DTNB: variants seen among roughly 807,000 people sequenced by gnomAD.
The protein encoded by DTNB is dystrobrevin beta, also known as DTN-B.
In DTNB, 63 loss-of-function variants were observed where a neutral mutation model predicts 90.7. The observed-to-expected ratio is 0.69, with a 90% confidence interval of 0.57 to 0.86. The LOEUF is 0.86. Ranked by LOEUF, DTNB falls within the 40% of genes least tolerant of loss-of-function variation. DTNB has a pLI of 0.00. For synonymous variants in DTNB, 277 were observed against 286.7 expected (o/e 0.97, Z 0.34); for missense variants, 744 against 807.1 (o/e 0.92, Z 0.95).
chr2:25,496,768 G>A (rs951585207), intron 9 of DTNB, among the ~76,000 whole-genome samples: 3 of 151,968 alleles, frequency 2.0e-5, no homozygotes, highest in Middle Eastern at 3.4e-3. Context: ...GCTTGAACCC[G>A]GGAGGCCGAT....
chr2:25,622,024 A>G (rs1326021842), intron 4 of DTNB, among the ~76,000 whole-genome samples: 2 of 152,002 alleles, frequency 1.3e-5, no homozygotes, highest in African/African-American at 4.8e-5. Flanking sequence ...TTCATTAGAT[A>G]CATCATTTTT....
chr2:25,596,943 A>G (rs558792372), intron 5 of DTNB, among the ~76,000 whole-genome samples: 1 of 152,346 alleles, frequency 6.6e-6, no homozygotes, highest in African/African-American at 2.4e-5. Context: ...CCTGTCTCCA[A>G]TCATTCCTCT....
At chr2:25,541,997 T>C (rs567270786) in intron 8 of DTNB, among the ~76,000 whole-genome samples, 3 of 152,344 alleles carry the variant, frequency 2.0e-5, no homozygotes, top group African/African-American at 7.2e-5. Flanking sequence ...CCAGTAAATG[T>C]AAGAGATGCT....
chr2:25,582,293 A>C (rs2061672289), intron 6 of DTNB, among the ~76,000 whole-genome samples: 1 of 152,158 alleles, frequency 6.6e-6, no homozygotes, highest in Non-Finnish European at 1.5e-5. Flanking sequence ...CAACCACCGG[A>C]ACCTCCCAAC....
At chr2:25,497,455 G>C (rs2150526894) in intron 9 of DTNB, 1 of 152,276 alleles carries the variant, frequency 6.6e-6, no homozygotes, top group South Asian at 2.1e-4. Context: ...CTACAGAACT[G>C]TGTCTGCCAA....
At chr2:25,619,699 G>A (rs1371628298) in intron 4 of DTNB, among the ~76,000 whole-genome samples, 2 of 152,172 alleles carry the variant, frequency 1.3e-5, no homozygotes, top group Non-Finnish European at 2.9e-5. Flanking sequence ...GTCATCAAAA[G>A]GATGAAAATG....
At chr2:25,462,992 C>T (rs976303185) in intron 10 of DTNB, among the ~76,000 whole-genome samples, 6 of 152,132 alleles carry the variant, frequency 3.9e-5, no homozygotes, top group African/African-American at 9.7e-5. Flanking sequence ...CGTGAGCCAC[C>T]GCGCCCGGCC....
chr2:25,383,734 A>C (rs990877682), intron 19 of DTNB, 102 bp downstream of exon 19: 4 of 1,609,268 alleles, frequency 2.5e-6, no homozygotes, highest in Middle Eastern at 1.7e-4. Flanking sequence ...AAGCTCTGGG[A>C]AAGGTGGTGG....
At chr2:25,590,255 ATATTTCAGCCCTGTTTACGT>A (rs1219825321) in intron 6 of DTNB, among the ~76,000 whole-genome samples, 9 of 152,316 alleles carry the variant, frequency 5.9e-5, no homozygotes, top group African/African-American at 2.2e-4. Flanking sequence ...AGCAAGGGGC[ATATTTCAGCCCTGTTTACGT>A]TATAGCTCTT....
At chr2:25,542,807 GTTCTT>G (rs545686002) in intron 8 of DTNB, among the ~76,000 whole-genome samples, 2 of 151,916 alleles carry the variant, frequency 1.3e-5, no homozygotes, top group East Asian at 1.9e-4. Flanking sequence ...CAAATGTACA[GTTCTT>G]TTCTTATCTT....
At chr2:25,616,952 AGG>A (rs67034739) in intron 4 of DTNB, among the ~76,000 whole-genome samples, 9,651 of 103,514 alleles carry the variant, frequency 0.093, 1,582 homozygotes, top group African/African-American at 0.16. Context: ...AAAAAAAAAA[AGG>A]AAAAAAAAGA....
chr2:25,531,341 G>A, intron 9 of DTNB, 132 bp downstream of exon 9: 2 of 1,399,128 alleles, frequency 1.4e-6, no homozygotes, highest in East Asian at 2.4e-5. Flanking sequence ...GAAGTCTTAA[G>A]TTCCCACAAA....
intron 15 of DTNB, among the ~76,000 whole-genome samples, chr2:25,425,879 C>T (rs781216910): frequency 6.6e-6 from 1 of 152,144 alleles, no homozygotes; most frequent in African/African-American, 2.4e-5. Flanking sequence ...CCATGCCTTT[C>T]TTTGCTCAGG....
rs915324287 is a variant in DTNB at position 25,613,484 on chromosome 2, G to A, written c.363-6163C>T. The stretch of plus-strand genomic sequence containing the variant: ...CTATGTTTAGCTCCCACTTATAAAT[G>A]AGAACATGTCGGTATTTGGTTTTCT... On this transcript the variant is annotated intron_variant, in intron 4 of 20. Transcript: ENST00000406818. Among the ~76,000 whole-genome samples the A allele has an allele frequency of 1.9e-4, 29 of 151,606 alleles. 1 individual carries two copies. The highest frequency in any genetic ancestry group is 4.2e-4 in the South Asian group (2 of 4,816).
At chr2:25,382,187 C>T (rs116628436) in intron 19 of DTNB, among the ~76,000 whole-genome samples, 2,091 of 152,324 alleles carry the variant, frequency 0.014, 27 homozygotes, top group Middle Eastern at 0.037. Flanking sequence ...CTCTCCCTAC[C>T]TTCACCTCCT....
chr2:25,625,903 T>G (rs2074046344), intron 4 of DTNB, among the ~76,000 whole-genome samples: 1 of 152,184 alleles, frequency 6.6e-6, no homozygotes, highest in South Asian at 2.1e-4. Context: ...TGAACGGGAT[T>G]AGTGCCCTTA....
chr2:25,621,930 C>T (rs1420747838), intron 4 of DTNB, among the ~76,000 whole-genome samples: 3 of 151,804 alleles, frequency 2.0e-5, no homozygotes, highest in Non-Finnish European at 4.4e-5. Flanking sequence ...AACAATAACC[C>T]TAGGCCTTTA....
At chr2:25,632,481 G>C (rs917432334) in intron 3 of DTNB, among the ~76,000 whole-genome samples, 18 of 152,198 alleles carry the variant, frequency 1.2e-4, no homozygotes, top group Non-Finnish European at 1.6e-4. Flanking sequence ...GCAGTACTGA[G>C]AGGTGGGCTT....
In DTNB at chr2:25,434,399, C is replaced by CTTTTTTTTTTT. The variant is rs1179596539; in HGVS notation, c.1258-415_1258-405dup. Among the ~76,000 whole-genome samples, 9 of 95,508 alleles carry CTTTTTTTTTTT rather than the reference C, an allele frequency of 9.4e-5. 1 individual carries two copies. Among genetic ancestry groups the CTTTTTTTTTTT allele is most frequent in the African/African-American group, 2.1e-4 (5 of 23,324 alleles). 62.7% of individuals were successfully genotyped at this position (95,508 alleles called of 152,430 possible). A position where few individuals can be genotyped will look rare whatever the true frequency, so the allele number is the denominator to read the frequency against. ...AATTCATGTTTTTCCATGAACTAGTCTTTTTTTTTTTTTTTTTTTTTTGAG... is the reference window on the plus strand; with the variant it reads ...AATTCATGTTTTTCCATGAACTAGTCTTTTTTTTTTTTTTTTTTTTTTTTTTTTTTTTTGAG... On this transcript the variant is annotated intron_variant, in intron 12 of 20. Transcript: ENST00000406818.
Sources: gnomAD v4.1 joint callset for allele counts (sites outside exome capture counted in the v4.1 genomes callset) on GRCh38, gnomAD v4.1.1 for gene constraint, MANE v1.5 for transcripts, NCBI Gene and HGNC (gene_info 2026-07-23, HGNC 2026-07-21) for gene names.